The following RASEF variants were observed in gnomAD, a reference collection of about 807,000 sequenced individuals.
RASEF encodes RAS and EF-hand domain containing.
Under a neutral mutation model 90.1 loss-of-function variants are expected in RASEF, and 68 were observed. The observed-to-expected ratio is 0.75, with a 90% CI of 0.62 to 0.92. The LOEUF is 0.92. RASEF is among the 40% of genes least tolerant of loss of function. The probability of loss-of-function intolerance (pLI) is 0.00; values close to 1 mark genes in which losing one functional copy is unlikely to be tolerated. For missense variants in RASEF, 949 were observed against 937.2 expected (o/e 1.01, Z -0.16); for synonymous variants, 331 against 345.2 (o/e 0.96, Z 0.46).
At chr9:83,168,600 T>C in the RASEF span, among the ~76,000 whole-genome samples, 14 of 152,068 alleles carry the variant, frequency 9.2e-5, no homozygotes, top group African/African-American at 3.1e-4. Flanking sequence ...TATAAGGAAC[T>C]CTAACAACTC....
At chr9:83,101,174 A>G in the RASEF span, among the ~76,000 whole-genome samples, 2 of 152,230 alleles carry the variant, frequency 1.3e-5, no homozygotes, top group East Asian at 3.9e-4. Context: ...ATATTCTGGC[A>G]ATATAGAAAC....
At chr9:83,041,438 C>G (rs73469495) in intron 1 of RASEF, among the ~76,000 whole-genome samples, 6,554 of 152,182 alleles carry the variant, frequency 0.043, 430 homozygotes, top group African/African-American at 0.15. Context: ...TTTATGAAAA[C>G]ATACAAAAAT....
the RASEF span, among the ~76,000 whole-genome samples, chr9:83,213,093 TAAAA>T: frequency 4.3e-4 from 63 of 145,840 alleles, no homozygotes; most frequent in Middle Eastern, 3.5e-3. Flanking sequence ...GCACACGTTT[TAAAA>T]AAAAAAAAAA....
chr9:83,124,124 A>G, the RASEF span, among the ~76,000 whole-genome samples: 14 of 152,200 alleles, frequency 9.2e-5, no homozygotes, highest in Admixed American at 4.6e-4. Context: ...ATGTGTTCGA[A>G]TTTCCGTACT....
At chr9:83,151,669 G>A in the RASEF span, among the ~76,000 whole-genome samples, 1 of 152,118 alleles carries the variant, frequency 6.6e-6, no homozygotes, top group Non-Finnish European at 1.5e-5. Context: ...ATTAATTTTT[G>A]GCCTCATTCT....
chr9:83,085,371 C>T, the RASEF span, among the ~76,000 whole-genome samples: 4 of 152,312 alleles, frequency 2.6e-5, no homozygotes, highest in East Asian at 1.9e-4. Context: ...CAGTGGCTCA[C>T]GCCTGTAATC....
At chr9:83,155,045 C>T in the RASEF span, among the ~76,000 whole-genome samples, 1 of 152,160 alleles carries the variant, frequency 6.6e-6, no homozygotes, top group Non-Finnish European at 1.5e-5. Context: ...GTAAGAAAAA[C>T]AAGAGGCACA....
chr9:83,217,834 C>T, the RASEF span, among the ~76,000 whole-genome samples: 15 of 152,050 alleles, frequency 9.9e-5, no homozygotes, highest in Non-Finnish European at 1.3e-4. Context: ...TCCTATCTCA[C>T]GGTACAGGAA....
the RASEF span, among the ~76,000 whole-genome samples, chr9:83,210,461 A>G: frequency 6.6e-6 from 1 of 152,196 alleles, no homozygotes; most frequent in Non-Finnish European, 1.5e-5. Context: ...TGAGAACAGC[A>G]AGGTCATGCA....
chr9:83,116,393 G>T, the RASEF span, among the ~76,000 whole-genome samples: 2 of 152,022 alleles, frequency 1.3e-5, no homozygotes, highest in African/African-American at 2.4e-5. Context: ...GATTCATGGT[G>T]TTTCCCCAAA....
chr9:83,145,000 T>A, the RASEF span, among the ~76,000 whole-genome samples: 1 of 152,200 alleles, frequency 6.6e-6, no homozygotes, highest in Non-Finnish European at 1.5e-5. Flanking sequence ...ACATCTCTAG[T>A]CTTAATTCTG....
intron 2 of RASEF, 122 bp downstream of exon 2, chr9:83,025,653 C>A: frequency 1.1e-6 from 1 of 951,622 alleles, no homozygotes; most frequent in Non-Finnish European, 1.6e-6. Flanking sequence ...GCTCTAGACT[C>A]CTCAGGCTCA....
the RASEF span, among the ~76,000 whole-genome samples, chr9:83,169,088 T>G: frequency 9.9e-5 from 15 of 151,994 alleles, no homozygotes; most frequent in African/African-American, 3.6e-4. Context: ...AGAGATCATT[T>G]TTTTAGCTCC....
chr9:83,141,624 C>T, the RASEF span, among the ~76,000 whole-genome samples: 1 of 152,170 alleles, frequency 6.6e-6, no homozygotes, highest in South Asian at 2.1e-4. Flanking sequence ...AGTTCTTTCC[C>T]CAGGCTCCTC....
At chr9:83,168,055 T>C in the RASEF span, among the ~76,000 whole-genome samples, 1 of 152,148 alleles carries the variant, frequency 6.6e-6, no homozygotes, top group Non-Finnish European at 1.5e-5. Context: ...GGTCAGATGG[T>C]TAATTCTGTT....
At chr9:82,994,639 G>A (rs913118753) in intron 14 of RASEF, among the ~76,000 whole-genome samples, 3 of 151,968 alleles carry the variant, frequency 2.0e-5, no homozygotes, top group Admixed American at 6.6e-5. Flanking sequence ...CACAGGAACC[G>A]GGCAGATCCT....
At chr9:83,163,972 G>T in the RASEF span, among the ~76,000 whole-genome samples, 626 of 143,998 alleles carry the variant, frequency 4.3e-3, 3 homozygotes, top group African/African-American at 0.015. Flanking sequence ...TAAAAAAACA[G>T]AGAAAACAAA....
chr9:83,169,594 G>A, the RASEF span, among the ~76,000 whole-genome samples: 1 of 149,376 alleles, frequency 6.7e-6, no homozygotes, highest in Non-Finnish European at 1.5e-5. Context: ...TTGTTTGTTT[G>A]TTTTGTTTTT....
chr9:82,983,901 G>A (rs7029474), intron 16 of RASEF, among the ~76,000 whole-genome samples: 4,354 of 152,212 alleles, frequency 0.029, 106 homozygotes, highest in South Asian at 0.076. Flanking sequence ...CCACAGCCCC[G>A]GTGGCCATCT....
Sources: gnomAD v4.1 joint callset for allele counts (sites outside exome capture counted in the v4.1 genomes callset) on GRCh38, gnomAD v4.1.1 for gene constraint, MANE v1.5 for transcripts, NCBI Gene and HGNC (gene_info 2026-07-23, HGNC 2026-07-21) for gene names.